The following STK38L variants were observed in gnomAD, a reference collection of about 807,000 sequenced individuals.
The protein encoded by STK38L is serine/threonine-protein kinase 38-like.
A neutral mutation model predicts 59.7 loss-of-function variants in STK38L; 28 were observed. That is an observed-to-expected ratio of 0.47 (90% CI 0.35 to 0.64). The LOEUF (loss-of-function observed/expected upper bound fraction) is 0.64, where lower values mean the gene tolerates loss of function less well. Ranked by LOEUF, STK38L falls within the 30% of genes least tolerant of loss-of-function variation. STK38L has a pLI of 0.01. For missense variants in STK38L, 314 were observed against 555.8 expected, an observed-to-expected ratio of 0.56 and a Z score of 4.37; for synonymous variants, 162 against 176.8, an observed-to-expected ratio of 0.92 and a Z score of 0.66.
At chr12:27,289,380 A>T (rs1270259922) in intron 1 of STK38L, among the ~76,000 whole-genome samples, 2 of 152,174 alleles carry the variant, frequency 1.3e-5, no homozygotes, top group Non-Finnish European at 2.9e-5. Flanking sequence ...GTTCAGAGGG[A>T]TTTTTAGTAA....
chr12:27,244,855 G>C (rs1942815696), intron 1 of STK38L, among the ~76,000 whole-genome samples: 1 of 152,150 alleles, frequency 6.6e-6, no homozygotes, highest in African/African-American at 2.4e-5. Context: ...TAGAAGCCAC[G>C]GAGTGCTCAA....
Position 27,314,621 on chromosome 12 carries a change from G to A in STK38L, c.635G>A (p.Arg212Gln). ...ATCCACCAGTTGGGTTTCATCCATC[G>A]GGATATTAAGCCAGACAACCTTTTA... ...DAIHQLGFIH[R>Q]DIKPDNLLLD... The change falls in exon 7 of 14, where the codon CGG becomes CAG. Residue 212 changes from arginine (R) to glutamine (Q), a missense_variant. Coordinates refer to ENST00000389032, the MANE Select transcript of STK38L (RefSeq NM_015000.4). 2.5e-6 allele frequency: 4 copies of A among 1,607,012 alleles called. No individual in the cohort carries two copies. The highest frequency in any genetic ancestry group is 1.1e-5 in the South Asian group (1 of 90,020).
chr12:27,259,307 T>G (rs1390717088), intron 1 of STK38L, among the ~76,000 whole-genome samples: 1 of 152,172 alleles, frequency 6.6e-6, no homozygotes, highest in Non-Finnish European at 1.5e-5. Context: ...TGTTAAAGAG[T>G]TATAGCATTC....
chr12:27,290,735 C>T (rs1482544310), intron 1 of STK38L, among the ~76,000 whole-genome samples: 4 of 152,050 alleles, frequency 2.6e-5, no homozygotes, highest in African/African-American at 4.8e-5. Context: ...AGTTGGTGGA[C>T]GGGTGGGATG....
chr12:27,263,582 G>A (rs1043051358), intron 1 of STK38L, among the ~76,000 whole-genome samples: 1 of 152,170 alleles, frequency 6.6e-6, no homozygotes, highest in South Asian at 2.1e-4. Flanking sequence ...TCATCATAAT[G>A]TGCTTAAAGA....
intron 3 of STK38L, among the ~76,000 whole-genome samples, chr12:27,307,075 G>T (rs1453513692): frequency 3.3e-5 from 5 of 151,978 alleles, no homozygotes; most frequent in African/African-American, 1.2e-4. Flanking sequence ...ATTGTTGTTT[G>T]CTTACTTTTT....
At chr12:27,298,057 T>A in intron 2 of STK38L, 1 of 549,458 alleles carries the variant, frequency 1.8e-6, no homozygotes, top group Non-Finnish European at 3.1e-6. Context: ...CTTGTGCATC[T>A]ATATACCCGT....
In STK38L at chr12:27,306,522, A is replaced by G. The variant is rs1032625322; in HGVS notation, c.187-1817A>G. 9.9e-5 allele frequency among the ~76,000 whole-genome samples: 15 copies of G among 152,180 alleles called. 1 individual carries two copies. In the East Asian group the frequency reaches 1.2e-3, roughly 12 times the overall value. On this transcript the variant is annotated intron_variant, in intron 3 of 13. Transcript: ENST00000389032. ...ATTCAAAAGGTATTTTTGAACACCT[A>G]TGTGCAAAAAAGGGTATTTGTCATT...
chr12:27,275,817 C>T (rs1943523204), intron 1 of STK38L, among the ~76,000 whole-genome samples: 1 of 152,196 alleles, frequency 6.6e-6, no homozygotes, highest in Non-Finnish European at 1.5e-5. Flanking sequence ...ATTTGCAATT[C>T]TTACTATATT....
At chr12:27,273,419 C>T (rs929334292) in intron 1 of STK38L, among the ~76,000 whole-genome samples, 11 of 152,060 alleles carry the variant, frequency 7.2e-5, no homozygotes, top group African/African-American at 2.6e-4. Context: ...GGTTTTATAA[C>T]ATTTATAACA....
rs555767633 is a variant in STK38L at position 27,324,371 on chromosome 12, T to A, written c.*1916T>A. 2 of 152,220 alleles carry A rather than the reference T, an allele frequency of 1.3e-5. No individual in the cohort carries two copies. The highest frequency in any genetic ancestry group is 2.1e-4 in the South Asian group (1 of 4,820). The allele number at this position is 152,220 out of a possible 1,614,324, so 9.4% of individuals were successfully genotyped here. A position where few individuals can be genotyped will look rare whatever the true frequency, so the allele number is the denominator to read the frequency against. On this transcript the variant is annotated 3_prime_UTR_variant, in exon 14 of 14. Transcript: ENST00000389032. ...TCACCCCACATCGCTCCCCTTTTTTTAAAAAGGACTGTTTTGCTAGTGTGA... is the reference window on the plus strand; with the variant it reads ...TCACCCCACATCGCTCCCCTTTTTTAAAAAAGGACTGTTTTGCTAGTGTGA...
intron 1 of STK38L, among the ~76,000 whole-genome samples, chr12:27,262,761 A>G (rs1366810797): frequency 6.6e-6 from 1 of 151,582 alleles, no homozygotes; most frequent in East Asian, 1.9e-4. Flanking sequence ...AAGTACACTA[A>G]GAATAAAACA....
chr12:27,258,183 T>A (rs963711705), intron 1 of STK38L, among the ~76,000 whole-genome samples: 1 of 152,162 alleles, frequency 6.6e-6, no homozygotes, highest in African/African-American at 2.4e-5. Context: ...TTGAAAAAAC[T>A]CTTTAGTTCT....
intron 3 of STK38L, among the ~76,000 whole-genome samples, chr12:27,304,885 A>G (rs974000420): frequency 6.7e-6 from 1 of 149,726 alleles, no homozygotes; most frequent in African/African-American, 2.5e-5. Flanking sequence ...TATTCAACTT[A>G]TATGATTTTT....
chr12:27,290,151 T>G (rs1943864913), intron 1 of STK38L, among the ~76,000 whole-genome samples: 2 of 152,348 alleles, frequency 1.3e-5, no homozygotes, highest in South Asian at 4.1e-4. Flanking sequence ...TCAGTCCTTT[T>G]ACAAGTACTA....
intron 1 of STK38L, among the ~76,000 whole-genome samples, chr12:27,248,414 C>T (rs10771326): frequency 0.32 from 48,593 of 152,030 alleles, 8,269 homozygotes; most frequent in Admixed American, 0.49. Flanking sequence ...TAAATGTCCA[C>T]CTGATTTTAT....
At chr12:27,287,427 A>T (rs957463713) in intron 1 of STK38L, among the ~76,000 whole-genome samples, 3 of 152,026 alleles carry the variant, frequency 2.0e-5, no homozygotes, top group African/African-American at 7.2e-5. Context: ...GATATAATGG[A>T]CATTGTTATT....
intron 1 of STK38L, among the ~76,000 whole-genome samples, chr12:27,268,266 CT>C (rs1358408652): frequency 6.6e-6 from 1 of 152,072 alleles, no homozygotes; most frequent in African/African-American, 2.4e-5. Flanking sequence ...ATCCCTCCCC[CT>C]TTCCCCCCAC....
chr12:27,273,713 G>A (rs1421648220), intron 1 of STK38L, among the ~76,000 whole-genome samples: 1 of 120,666 alleles, frequency 8.3e-6, no homozygotes, highest in Non-Finnish European at 2.1e-5. Context: ...GAAAATCTGG[G>A]AAGTATAAGG....
Sources: allele counts gnomAD v4.1 joint callset (sites outside exome capture counted in the v4.1 genomes callset), GRCh38; gene constraint gnomAD v4.1.1; transcripts MANE v1.5; gene names NCBI Gene and HGNC (gene_info 2026-07-23, HGNC 2026-07-21).